The following USP34 variants were observed in gnomAD, a reference collection of about 807,000 sequenced individuals.
USP34 encodes ubiquitin carboxyl-terminal hydrolase 34.
In USP34, 70 loss-of-function variants were observed where a neutral mutation model predicts 460.3. The ratio of observed to expected loss-of-function variants is 0.15; its 90% CI spans 0.13 to 0.19. USP34 has a LOEUF of 0.19. Ranked by LOEUF, USP34 falls within the 10% of genes least tolerant of loss-of-function variation. USP34 has a pLI of 1.00. For synonymous variants in USP34, 1,647 were observed against 1,405.3 expected, an observed-to-expected ratio of 1.17 and a Z score of -3.85; for missense variants, 3,985 against 4,236.2, an observed-to-expected ratio of 0.94 and a Z score of 1.65.
chr2:61,222,211 G>A (rs530761831), intron 65 of USP34, among the ~76,000 whole-genome samples: 13 of 152,214 alleles, frequency 8.5e-5, no homozygotes, highest in African/African-American at 2.6e-4. Context: ...GTTTGACATC[G>A]ATTGTTAAAA....
chr2:61,295,575 G>A (rs994595690), intron 30 of USP34, among the ~76,000 whole-genome samples: 3 of 152,100 alleles, frequency 2.0e-5, no homozygotes, highest in South Asian at 2.1e-4. Flanking sequence ...AAACAACATT[G>A]TGATCTAGTT....
chr2:61,306,896 A>G (rs1690424974), intron 27 of USP34, among the ~76,000 whole-genome samples: 1 of 152,188 alleles, frequency 6.6e-6, no homozygotes, highest in Non-Finnish European at 1.5e-5. Flanking sequence ...CCATTGTGGA[A>G]GACAGTGTGG....
At chr2:61,379,729 A>C (rs1245330271) in intron 7 of USP34, among the ~76,000 whole-genome samples, 2 of 152,244 alleles carry the variant, frequency 1.3e-5, no homozygotes, top group Admixed American at 1.3e-4. Flanking sequence ...ACAGATTTTC[A>C]TGTTACTTTG....
At chr2:61,195,366 T>A (rs1198431215) in intron 75 of USP34, among the ~76,000 whole-genome samples, 5 of 140,196 alleles carry the variant, frequency 3.6e-5, no homozygotes, top group Non-Finnish European at 6.1e-5. Context: ...TTTTAAAGGT[T>A]AAAAAAAAAA....
chr2:61,363,640 C>T (rs929528078), intron 10 of USP34, among the ~76,000 whole-genome samples: 4 of 152,126 alleles, frequency 2.6e-5, no homozygotes, highest in Admixed American at 6.5e-5. Flanking sequence ...TATAATCTTA[C>T]GGGAACACTG....
At chr2:61,262,657 G>A (rs1688927061) in intron 43 of USP34, among the ~76,000 whole-genome samples, 1 of 152,098 alleles carries the variant, frequency 6.6e-6, no homozygotes, top group Admixed American at 6.5e-5. Context: ...GCTTGTGGAT[G>A]TGTCTTCATG....
At chr2:61,450,521 G>T (rs1039447804) in intron 1 of USP34, among the ~76,000 whole-genome samples, 5 of 152,076 alleles carry the variant, frequency 3.3e-5, no homozygotes, top group African/African-American at 1.2e-4. Context: ...ATAAAGTATG[G>T]GAGGCTGAGG....
intron 41 of USP34, among the ~76,000 whole-genome samples, chr2:61,270,127 G>A (rs549718819): frequency 6.6e-6 from 1 of 152,194 alleles, no homozygotes; most frequent in Admixed American, 6.5e-5. Context: ...TCTGAAATTT[G>A]TATGTTGAAA....
chr2:61,383,433 G>T, intron 5 of USP34, 97 bp from the exon 6 acceptor site: 2 of 855,384 alleles, frequency 2.3e-6, no homozygotes, highest in East Asian at 2.8e-5. Flanking sequence ...GGCCAGGCAC[G>T]GTCGCTCACG....
intron 33 of USP34, among the ~76,000 whole-genome samples, chr2:61,290,247 G>C (rs1689810780): frequency 6.6e-6 from 1 of 152,060 alleles, no homozygotes; most frequent in African/African-American, 2.4e-5. Flanking sequence ...CTCGTATGTT[G>C]CATAGTATAA....
intron 59 of USP34, 37 bp from the exon 60 acceptor site, chr2:61,229,032 A>C: frequency 6.9e-7 from 1 of 1,458,450 alleles, no homozygotes; most frequent in Non-Finnish European, 9.1e-7. Flanking sequence ...AGAATGTATG[A>C]GGTCTGGAAA....
chr2:61,431,225 G>A (rs902803374), intron 1 of USP34, among the ~76,000 whole-genome samples: 2 of 152,016 alleles, frequency 1.3e-5, no homozygotes, highest in African/African-American at 4.8e-5. Context: ...AGCTTTATCA[G>A]GTTTTTGTTT....
At chr2:61,365,199 C>G (rs568754067) in intron 10 of USP34, among the ~76,000 whole-genome samples, 1 of 151,326 alleles carries the variant, frequency 6.6e-6, no homozygotes, top group East Asian at 2.0e-4. Context: ...TTGCAGTAAG[C>G]TGAGATTGCC....
intron 1 of USP34, among the ~76,000 whole-genome samples, chr2:61,430,599 T>A (rs542211264): frequency 2.6e-5 from 4 of 152,160 alleles, no homozygotes; most frequent in African/African-American, 9.7e-5. Flanking sequence ...ACCCTTACAA[T>A]AGACTAACCT....
chr2:61,443,441 C>T (rs990854579), intron 1 of USP34, among the ~76,000 whole-genome samples: 6 of 150,708 alleles, frequency 4.0e-5, no homozygotes, highest in South Asian at 2.1e-4. Flanking sequence ...ACAATTATTA[C>T]GTCAATTAAA....
At chr2:61,277,651 T>C (rs1039108367) in intron 41 of USP34, 4 of 152,532 alleles carry the variant, frequency 2.6e-5, no homozygotes, top group African/African-American at 9.6e-5. Flanking sequence ...TTGCTTTTCT[T>C]GTCGGTAATT....
Position 61,470,791 on chromosome 2 carries a change from G to T in USP34, c.-99C>A. On this transcript the variant is annotated 5_prime_UTR_variant, in exon 1 of 80. Coordinates refer to ENST00000398571, the MANE Select transcript of USP34 (RefSeq NM_014709.4). ...GAGAGGCGGAGGAGGGGGCCGGCCGGCCGGCGGGGCGGGGAGGCGACTAGG... is the reference window on the plus strand; with the variant it reads ...GAGAGGCGGAGGAGGGGGCCGGCCGTCCGGCGGGGCGGGGAGGCGACTAGG... The T allele has an allele frequency of 9.8e-7, 1 of 1,024,572 alleles. No individual in the cohort carries two copies. The highest frequency in any genetic ancestry group is 1.4e-6 in the Non-Finnish European group (1 of 704,182). The allele number at this position is 1,024,572 out of a possible 1,614,324, so 63.5% of individuals were successfully genotyped here.
chr2:61,323,203 G>A (rs116646830), intron 21 of USP34, among the ~76,000 whole-genome samples: 2 of 152,076 alleles, frequency 1.3e-5, no homozygotes, highest in East Asian at 1.9e-4. Context: ...AACATAATGA[G>A]ACTCTGTACA....
At position 61,347,968 on chromosome 2, in the gene USP34, G is replaced by A. The variant is rs755566095; in HGVS notation, c.2187C>T (p.Phe729=). 6.2e-7 allele frequency: 1 copy of A among 1,613,986 alleles called. No individual in the cohort carries two copies. The highest frequency in any genetic ancestry group is 8.5e-7 in the Non-Finnish European group (1 of 1,180,032). ...ATTCATTCCCAATAGTCTCCCCAAG[G>A]AAGTCCCCAGTTCGTGTGATACAAG... The part of the protein sequence containing the change: ...QESCITRTGD[F]LGETIGNELF... The change falls in exon 15 of 80, where the codon TTC becomes TTT. Residue 729 remains phenylalanine (F), a synonymous_variant. Transcript: ENST00000398571.
Sources: gnomAD v4.1 joint callset for allele counts (sites outside exome capture counted in the v4.1 genomes callset) on GRCh38, gnomAD v4.1.1 for gene constraint, MANE v1.5 for transcripts, NCBI Gene and HGNC (gene_info 2026-07-23, HGNC 2026-07-21) for gene names.